Variants in GPC5 observed in about 807,000 individuals in gnomAD.
The protein encoded by GPC5 is glypican 5.
Under a neutral mutation model 53.9 loss-of-function variants are expected in GPC5, and 47 were observed. The ratio of observed to expected loss-of-function variants is 0.87; its 90% CI spans 0.69 to 1.11. The LOEUF (loss-of-function observed/expected upper bound fraction) is 1.11, where lower values mean the gene tolerates loss of function less well. Ranked by LOEUF, GPC5 falls within the 50% of genes most tolerant of loss-of-function variation. The pLI is 0.00. For synonymous variants in GPC5, 286 were observed against 263.3 expected, an observed-to-expected ratio of 1.09 and a Z score of -0.84; for missense variants, 748 against 713.1, an observed-to-expected ratio of 1.05 and a Z score of -0.56.
intron 6 of GPC5, among the ~76,000 whole-genome samples, chr13:91,920,339 CATATT>C (rs1304999085): frequency 6.6e-6 from 1 of 151,866 alleles, no homozygotes; most frequent in African/African-American, 2.4e-5. Flanking sequence ...AAATCAAAGA[CATATT>C]AAACAATCGC....
chr13:92,264,878 C>CTCTG (rs1310875481), intron 7 of GPC5, among the ~76,000 whole-genome samples: 81 of 104,762 alleles, frequency 7.7e-4, no homozygotes, highest in East Asian at 4.7e-3. Context: ...CTCTCTCTCT[C>CTCTG]TGTGTGTGTG....
intron 2 of GPC5, among the ~76,000 whole-genome samples, chr13:91,469,435 T>C (rs1285577985): frequency 1.3e-5 from 2 of 151,756 alleles, no homozygotes; most frequent in African/African-American, 4.8e-5. Flanking sequence ...TTTTTTCTCT[T>C]TTTTTTTGGG....
At chr13:92,127,369 A>G (rs1200747869) in intron 6 of GPC5, among the ~76,000 whole-genome samples, 1 of 152,038 alleles carries the variant, frequency 6.6e-6, no homozygotes, top group Non-Finnish European at 1.5e-5. Flanking sequence ...TTAATGTATA[A>G]ATTAGAATAT....
At chr13:92,527,182 GAAGAAAGAAAGAAAGA>G (rs1168907594) in intron 7 of GPC5, among the ~76,000 whole-genome samples, 38 of 45,154 alleles carry the variant, frequency 8.4e-4, no homozygotes, top group Admixed American at 1.5e-3. Flanking sequence ...GAGAAAGAAA[GAAGAAAGAAAGAAAGA>G]AAGAAAGAAA....
At position 91,693,555 on chromosome 13, in the gene GPC5, G is replaced by A; in HGVS notation, c.694G>A (p.Gly232Ser). 2 of 1,613,956 alleles carry A rather than the reference G, an allele frequency of 1.2e-6. No individual in the cohort carries two copies. Among genetic ancestry groups the A allele is most frequent in the Non-Finnish European group, 1.7e-6 (2 of 1,179,986 alleles). ...SRTFLQALNL[G>S]IEVINTTDYL... Reference sequence around the variant, plus strand: ...CACTTTTCTGCAGGCACTCAATCTGGGCATTGAAGTCATCAACACCACAGA... The same window carrying A: ...CACTTTTCTGCAGGCACTCAATCTGAGCATTGAAGTCATCAACACCACAGA... Residue 232 changes from glycine to serine, a missense_variant, in exon 3 of 8, where the codon GGC becomes AGC. Transcript: ENST00000377067.
chr13:92,354,034 C>G lies in GPC5; in HGVS notation c.1561+209045C>G, dbSNP rs565987955. 4.6e-5 allele frequency among the ~76,000 whole-genome samples: 7 copies of G among 152,220 alleles called. No homozygotes were observed. The East Asian group carries it at 1.4e-3, about 29-fold the overall frequency. On this transcript the variant is annotated intron_variant, in intron 7 of 7. Transcript: ENST00000377067. ...ACAGGAATAAAGTTAATAAATCTGT[C>G]TTTGCCACTTTTTCCATGCATTCTA...
intron 2 of GPC5, among the ~76,000 whole-genome samples, chr13:91,473,738 G>A (rs1187035438): frequency 6.6e-6 from 1 of 152,056 alleles, no homozygotes; most frequent in Non-Finnish European, 1.5e-5. Context: ...TAAGAAACCT[G>A]TTTATGACAG....
chr13:91,761,012 C>T lies in GPC5; in HGVS notation c.1280+4592C>T, dbSNP rs138835519. 3.8e-3 allele frequency among the ~76,000 whole-genome samples: 583 copies of T among 152,198 alleles called. 5 individuals carry two copies. Among genetic ancestry groups the T allele is most frequent in the African/African-American group, 0.013 (557 of 41,518 alleles). On this transcript the variant is annotated intron_variant, in intron 5 of 7. Transcript: ENST00000377067. ...GTATCTCTTACAGTCTCTTTTATCT[C>T]CCCTTCCTGTCTCTTCATTACAAAA...
At chr13:92,652,897 T>C (rs1463195837) in intron 7 of GPC5, among the ~76,000 whole-genome samples, 5 of 152,026 alleles carry the variant, frequency 3.3e-5, no homozygotes, top group Non-Finnish European at 7.4e-5. Context: ...CAACACAATA[T>C]CCAGCGTGGG....
intron 7 of GPC5, among the ~76,000 whole-genome samples, chr13:92,291,955 C>T (rs559105856): frequency 7.9e-5 from 12 of 152,272 alleles, no homozygotes; most frequent in African/African-American, 1.7e-4. Flanking sequence ...GAACAAACTC[C>T]GGACACGCTG....
intron 2 of GPC5, among the ~76,000 whole-genome samples, chr13:91,512,364 G>A (rs374538959): frequency 6.6e-6 from 1 of 152,138 alleles, no homozygotes; most frequent in East Asian, 1.9e-4. Context: ...TCATCAGAGG[G>A]CAACTCCAGT....
At position 91,454,193 on chromosome 13, in the gene GPC5, A is replaced by C. The variant is rs139605948; in HGVS notation, c.325+5271A>C. Among the ~76,000 whole-genome samples the C allele has an allele frequency of 6.4e-3, 976 of 152,206 alleles. 13 individuals are homozygous for C. The highest frequency in any genetic ancestry group is 0.022 in the African/African-American group (919 of 41,566). ...TCAACAGGCTTATATTAATTATGAG[A>C]AACCAAGCAATTTTCCTGTTCTAGA... On this transcript the variant is annotated intron_variant, in intron 2 of 7. Transcript: ENST00000377067.
chr13:91,626,462 G>T (rs2139395184), intron 2 of GPC5, among the ~76,000 whole-genome samples: 1 of 152,082 alleles, frequency 6.6e-6, no homozygotes, highest in East Asian at 1.9e-4. Context: ...AGGTCAAATG[G>T]CTACCCTGTA....
At chr13:91,509,720 C>A (rs1465824805) in intron 2 of GPC5, among the ~76,000 whole-genome samples, 2 of 151,978 alleles carry the variant, frequency 1.3e-5, no homozygotes, top group Admixed American at 6.6e-5. Context: ...CATGGGAATA[C>A]TAAAAATTAG....
intron 7 of GPC5, among the ~76,000 whole-genome samples, chr13:92,567,211 TAC>T (rs1882889006): frequency 6.6e-6 from 1 of 152,164 alleles, no homozygotes; most frequent in Non-Finnish European, 1.5e-5. Flanking sequence ...GATTTGATGA[TAC>T]ATAAAATACT....
intron 7 of GPC5, among the ~76,000 whole-genome samples, chr13:92,451,997 G>A (rs538711319): frequency 6.6e-6 from 1 of 152,202 alleles, no homozygotes; most frequent in East Asian, 1.9e-4. Context: ...AGGACTAAGG[G>A]GAAAAATAGG....
At chr13:91,917,556 G>A (rs997045245) in intron 6 of GPC5, among the ~76,000 whole-genome samples, 1 of 152,206 alleles carries the variant, frequency 6.6e-6, no homozygotes, top group Admixed American at 6.5e-5. Context: ...CTGTTTGGGG[G>A]TTCAACCCCA....
intron 6 of GPC5, among the ~76,000 whole-genome samples, chr13:92,050,807 A>G (rs1356635006): frequency 6.6e-6 from 1 of 152,206 alleles, no homozygotes; most frequent in Non-Finnish European, 1.5e-5. Context: ...TCCAAAAGAT[A>G]TTAATAGATC....
At chr13:92,802,457 T>G (rs549020710) in intron 7 of GPC5, among the ~76,000 whole-genome samples, 1 of 152,002 alleles carries the variant, frequency 6.6e-6, no homozygotes, top group African/African-American at 2.4e-5. Flanking sequence ...CTAGGGTACA[T>G]GTGCACAACG....
Sources: gnomAD v4.1 joint callset for allele counts (sites outside exome capture counted in the v4.1 genomes callset) on GRCh38, gnomAD v4.1.1 for gene constraint, MANE v1.5 for transcripts, NCBI Gene and HGNC (gene_info 2026-07-23, HGNC 2026-07-21) for gene names.